The following RAP1A variants were observed in gnomAD, a reference collection of about 807,000 sequenced individuals.
RAP1A encodes the protein RAP1A, member of RAS oncogene family, also known as ras-related protein Rap-1A.
A neutral mutation model predicts 26.4 loss-of-function variants in RAP1A; 6 were observed. That is an observed-to-expected ratio of 0.23 (90% CI 0.12 to 0.45). RAP1A has a LOEUF of 0.45. RAP1A is among the 20% of genes least tolerant of loss of function. The probability of loss-of-function intolerance (pLI) is 0.99; values close to 1 mark genes in which losing one functional copy is unlikely to be tolerated. For missense variants in RAP1A, 121 were observed against 217.2 expected (o/e 0.56, Z 2.78); for synonymous variants, 73 against 79.4 (o/e 0.92, Z 0.43).
chr1:111,685,460 G>A (rs756212087), intron 1 of RAP1A, among the ~76,000 whole-genome samples: 10 of 151,302 alleles, frequency 6.6e-5, no homozygotes, highest in African/African-American at 9.7e-5. Context: ...AAAAATAGGC[G>A]AAAGACATGA....
chr1:111,659,230 A>G (rs996423251), intron 1 of RAP1A, among the ~76,000 whole-genome samples: 2 of 152,196 alleles, frequency 1.3e-5, no homozygotes, highest in African/African-American at 4.8e-5. Context: ...TTTCCTGTAC[A>G]TACCTATAAT....
rs1340352359 is a variant in RAP1A, at chr1:111,713,282, TC to T, written c.*882del. Reference sequence around the variant, plus strand: ...TTCTCTAGGAACAGACCTCGCACTTTCTGTTCTAAATATATTTATTCCTACT... The same window carrying T: ...TTCTCTAGGAACAGACCTCGCACTTTTGTTCTAAATATATTTATTCCTACT... On this transcript the variant is annotated 3_prime_UTR_variant, in exon 8 of 8. Transcript: ENST00000369709. The T allele has an allele frequency of 1.3e-5, 2 of 152,214 alleles. No homozygotes were observed. The highest frequency in any genetic ancestry group is 2.9e-5 in the Non-Finnish European group (2 of 68,002). 9.4% of individuals were successfully genotyped at this position (152,214 alleles called of 1,614,324 possible). A position where few individuals can be genotyped will look rare whatever the true frequency, so the allele number is the denominator to read the frequency against.
At chr1:111,684,078 A>G in intron 1 of RAP1A, among the ~76,000 whole-genome samples, 1 of 152,250 alleles carries the variant, frequency 6.6e-6, no homozygotes, top group East Asian at 1.9e-4. Flanking sequence ...TTATCTCAAT[A>G]GATGTGGAAA....
At chr1:111,557,558 A>AC (rs1046337313) in intron 1 of RAP1A, among the ~76,000 whole-genome samples, 40 of 151,844 alleles carry the variant, frequency 2.6e-4, no homozygotes, top group African/African-American at 9.7e-4. Context: ...AAAAAAAAAA[A>AC]CTTACAAAAA....
At chr1:111,588,734 C>A (rs1234490820) in intron 1 of RAP1A, among the ~76,000 whole-genome samples, 1 of 152,168 alleles carries the variant, frequency 6.6e-6, no homozygotes, top group Non-Finnish European at 1.5e-5. Context: ...AGCCTCTCTT[C>A]CATTCTAGAA....
intron 1 of RAP1A, among the ~76,000 whole-genome samples, chr1:111,643,718 G>A (rs997023454): frequency 5.3e-5 from 8 of 152,158 alleles, no homozygotes; most frequent in Admixed American, 2.0e-4. Flanking sequence ...ATGACAATCC[G>A]TGCTTATCAT....
At chr1:111,608,876 CGGGAGA>C (rs1012542246) in intron 1 of RAP1A, among the ~76,000 whole-genome samples, 10 of 152,138 alleles carry the variant, frequency 6.6e-5, no homozygotes, top group East Asian at 5.8e-4. Flanking sequence ...GGCTCGGCAT[CGGGAGA>C]GGGAGAGGGA....
intron 1 of RAP1A, among the ~76,000 whole-genome samples, chr1:111,586,321 A>G (rs1658364160): frequency 6.6e-6 from 1 of 152,226 alleles, no homozygotes; most frequent in South Asian, 2.1e-4. Flanking sequence ...GACCAGGACA[A>G]CTACATCATG....
intron 1 of RAP1A, among the ~76,000 whole-genome samples, chr1:111,555,581 T>C (rs976113718): frequency 1.3e-5 from 2 of 151,872 alleles, no homozygotes; most frequent in Non-Finnish European, 2.9e-5. Context: ...CTACAAAATA[T>C]TAAGAAACAT....
At chr1:111,646,860 C>T (rs997985628) in intron 1 of RAP1A, among the ~76,000 whole-genome samples, 1 of 152,198 alleles carries the variant, frequency 6.6e-6, no homozygotes, top group African/African-American at 2.4e-5. Context: ...CTTCTTAACA[C>T]AGAACTAGTT....
chr1:111,674,463 A>G (rs891652710), intron 1 of RAP1A, among the ~76,000 whole-genome samples: 4 of 152,024 alleles, frequency 2.6e-5, no homozygotes, highest in Non-Finnish European at 5.9e-5. Context: ...ATCCACTGCT[A>G]TGGTTTCAAT....
At chr1:111,623,159 A>G (rs1415773590) in intron 1 of RAP1A, among the ~76,000 whole-genome samples, 1 of 147,986 alleles carries the variant, frequency 6.8e-6, no homozygotes, top group Non-Finnish European at 1.5e-5. Context: ...CTGGGATAAC[A>G]GGTACCCACC....
intron 1 of RAP1A, among the ~76,000 whole-genome samples, chr1:111,591,563 T>G (rs1658472052): frequency 6.6e-6 from 1 of 152,248 alleles, no homozygotes; most frequent in African/African-American, 2.4e-5. Flanking sequence ...TATTTAGGAC[T>G]TAATCACAAT....
At chr1:111,634,008 T>G (rs1659650661) in intron 1 of RAP1A, among the ~76,000 whole-genome samples, 1 of 152,190 alleles carries the variant, frequency 6.6e-6, no homozygotes, top group South Asian at 2.1e-4. Context: ...TGACTCTGCT[T>G]AACTTCTAGT....
At chr1:111,649,221 C>A in intron 1 of RAP1A, 1 of 488,328 alleles carries the variant, frequency 2.0e-6, no homozygotes, top group South Asian at 1.6e-5. Flanking sequence ...GAGCTGGGGT[C>A]CCTTCTTCTC....
At chr1:111,642,492 CTTT>C (rs111801242) in intron 1 of RAP1A, among the ~76,000 whole-genome samples, 9 of 143,122 alleles carry the variant, frequency 6.3e-5, no homozygotes, top group Admixed American at 7.0e-5. Flanking sequence ...TAGGTGTTAA[CTTT>C]TTTTTTTTTT....
chr1:111,563,587 A>T (rs1657832446), intron 1 of RAP1A, among the ~76,000 whole-genome samples: 1 of 152,212 alleles, frequency 6.6e-6, no homozygotes, highest in Non-Finnish European at 1.5e-5. Flanking sequence ...AGACAAGAGA[A>T]TTCATGGGAA....
chr1:111,561,599 A>G (rs552062658), intron 1 of RAP1A, among the ~76,000 whole-genome samples: 2 of 152,328 alleles, frequency 1.3e-5, no homozygotes, highest in Admixed American at 1.3e-4. Context: ...GGTCAAACAC[A>G]GAGCAGAAGG....
At chr1:111,606,002 C>A (rs1658766679) in intron 1 of RAP1A, among the ~76,000 whole-genome samples, 1 of 152,172 alleles carries the variant, frequency 6.6e-6, no homozygotes, top group Admixed American at 6.5e-5. Context: ...TCACCAGGGG[C>A]AAGCTGAGGG....
Sources: gnomAD v4.1 joint callset for allele counts (sites outside exome capture counted in the v4.1 genomes callset) on GRCh38, gnomAD v4.1.1 for gene constraint, MANE v1.5 for transcripts, NCBI Gene and HGNC (gene_info 2026-07-23, HGNC 2026-07-21) for gene names.